The following CAMK1D variants were observed in gnomAD, a reference collection of about 807,000 sequenced individuals.
CAMK1D encodes calcium/calmodulin dependent protein kinase ID.
CAMK1D carries 9 observed loss-of-function variants against 47.7 expected under a neutral mutation model. That is an observed-to-expected ratio of 0.19 (90% confidence interval 0.11 to 0.33). The LOEUF is 0.33. CAMK1D is among the 10% of genes least tolerant of loss of function. The probability of loss-of-function intolerance (pLI) is 1.00; values close to 1 mark genes in which losing one functional copy is unlikely to be tolerated. For missense variants in CAMK1D, 291 were observed against 488.7 expected (o/e 0.60, Z 3.81); for synonymous variants, 184 against 184.9 (o/e 0.99, Z 0.04).
chr10:12,498,259 G>A (rs1417830750), intron 1 of CAMK1D, among the ~76,000 whole-genome samples: 1 of 152,230 alleles, frequency 6.6e-6, no homozygotes, highest in Non-Finnish European at 1.5e-5. Context: ...GAGACTTAGT[G>A]TTGAGTGGAC....
chr10:12,792,765 T>C (rs938360103), intron 6 of CAMK1D, among the ~76,000 whole-genome samples: 3 of 152,214 alleles, frequency 2.0e-5, no homozygotes, highest in Admixed American at 2.0e-4. Flanking sequence ...TAAAGGACTC[T>C]CGTTTATGGA....
chr10:12,381,223 G>C (rs1277197784), intron 1 of CAMK1D, among the ~76,000 whole-genome samples: 2 of 152,164 alleles, frequency 1.3e-5, no homozygotes, highest in Non-Finnish European at 2.9e-5. Flanking sequence ...AATGAATGCC[G>C]TTCCCTTCCT....
rs117284872 is a variant in CAMK1D at position 12,508,441 on chromosome 10, A to C, written c.93-44784A>C. ...TATGATTCCACTTACTCAGGTACCC[A>C]GAATAGACAACTTCACAGTAGGGAC... On this transcript the variant is annotated intron_variant, in intron 1 of 10. Transcript: ENST00000619168. 7.2e-3 allele frequency among the ~76,000 whole-genome samples: 1,103 copies of C among 152,354 alleles called. 24 individuals are homozygous for C. Among genetic ancestry groups the C allele is most frequent in the East Asian group, 0.043 (224 of 5,178 alleles).
At chr10:12,773,200 A>G (rs1374335818) in intron 5 of CAMK1D, among the ~76,000 whole-genome samples, 1 of 152,228 alleles carries the variant, frequency 6.6e-6, no homozygotes, top group Non-Finnish European at 1.5e-5. Context: ...CACACAGATC[A>G]TGAATCTTAG....
At chr10:12,400,883 G>A (rs1047823452) in intron 1 of CAMK1D, among the ~76,000 whole-genome samples, 1 of 150,178 alleles carries the variant, frequency 6.7e-6, no homozygotes, top group African/African-American at 2.5e-5. Context: ...TTGGGAGGCC[G>A]AGGTGGGCAG....
Position 12,764,218 on chromosome 10 carries a change from T to TA in CAMK1D, c.438+3137dup, listed in dbSNP as rs1361463569. ...CAACATGGTGAAACCCCATCTCTAC[T>TA]AAAAATACAAAAATTAGCCAGGTGT... On this transcript the variant is annotated intron_variant, in intron 4 of 10. Coordinates refer to ENST00000619168, the MANE Select transcript of CAMK1D (RefSeq NM_153498.4). 2.0e-5 allele frequency among the ~76,000 whole-genome samples: 3 copies of TA among 151,874 alleles called. No individual in the cohort carries two copies. The East Asian group carries it at 5.8e-4, about 29-fold the overall frequency.
rs113978337 is a variant in CAMK1D at position 12,535,249 on chromosome 10, G to T, written c.93-17976G>T. Among the ~76,000 whole-genome samples the T allele has an allele frequency of 7.1e-3, 1,087 of 152,274 alleles. 7 individuals carry two copies. Among genetic ancestry groups the T allele is most frequent in the African/African-American group, 0.025 (1,047 of 41,544 alleles). On this transcript the variant is annotated intron_variant, in intron 1 of 10. Transcript: ENST00000619168. ...GCCAGGCCAGGCCCTGTCTCTCCCAGCTCTGTCTGCTAACGCCAGCTGTGG... is the reference window on the plus strand; with the variant it reads ...GCCAGGCCAGGCCCTGTCTCTCCCATCTCTGTCTGCTAACGCCAGCTGTGG...
chr10:12,475,678 C>T (rs1400690567), intron 1 of CAMK1D, among the ~76,000 whole-genome samples: 1 of 152,174 alleles, frequency 6.6e-6, no homozygotes, highest in Non-Finnish European at 1.5e-5. Context: ...AGTTTGGGAA[C>T]TAGGATTAGT....
chr10:12,447,575 AC>A (rs752255222), intron 1 of CAMK1D, among the ~76,000 whole-genome samples: 131 of 152,288 alleles, frequency 8.6e-4, no homozygotes, highest in Non-Finnish European at 1.7e-3. Flanking sequence ...AGTTGTGTGC[AC>A]CTGGGGTCCC....
intron 1 of CAMK1D, among the ~76,000 whole-genome samples, chr10:12,492,205 A>ACT (rs1286146659): frequency 6.6e-6 from 1 of 151,274 alleles, no homozygotes; most frequent in Non-Finnish European, 1.5e-5. Flanking sequence ...GGCTCCTTCC[A>ACT]CTCTCGGGCT....
chr10:12,795,168 G>A (rs1300029390), intron 6 of CAMK1D, among the ~76,000 whole-genome samples: 2 of 152,252 alleles, frequency 1.3e-5, no homozygotes, highest in Admixed American at 6.5e-5. Context: ...GGTCTAGAAG[G>A]TTGGATAAGC....
rs370526516 is a variant in CAMK1D, at chr10:12,685,146, C to T, written c.299+18336C>T. Among the ~76,000 whole-genome samples the T allele has an allele frequency of 3.3e-5, 5 of 152,212 alleles. No homozygotes were observed. In the South Asian group the frequency reaches 8.3e-4, roughly 25 times the overall value. The stretch of plus-strand genomic sequence containing the variant: ...TGAAACCCCGTCTGTACTAAAAATA[C>T]GAAAATTAGCCAGGCGTGGTGGTGC... On this transcript the variant is annotated intron_variant, in intron 3 of 10. Coordinates refer to ENST00000619168, the MANE Select transcript of CAMK1D (RefSeq NM_153498.4).
At chr10:12,362,452 G>A (rs1354357954) in intron 1 of CAMK1D, among the ~76,000 whole-genome samples, 1 of 152,032 alleles carries the variant, frequency 6.6e-6, no homozygotes, top group Non-Finnish European at 1.5e-5. Context: ...TGTAGTATTT[G>A]CATATAAATT....
chr10:12,727,213 T>G (rs1834685606), intron 3 of CAMK1D, among the ~76,000 whole-genome samples: 1 of 152,212 alleles, frequency 6.6e-6, no homozygotes, highest in South Asian at 2.1e-4. Flanking sequence ...GGCTACAACT[T>G]ACAGGCTTCT....
At chr10:12,783,815 C>T (rs528507591) in intron 5 of CAMK1D, among the ~76,000 whole-genome samples, 19 of 152,110 alleles carry the variant, frequency 1.2e-4, no homozygotes, top group Non-Finnish European at 2.2e-4. Context: ...GCTTGGTTCC[C>T]GCAAAGTGGA....
chr10:12,543,888 A>T (rs762877302), intron 1 of CAMK1D, among the ~76,000 whole-genome samples: 14 of 152,234 alleles, frequency 9.2e-5, no homozygotes, highest in Non-Finnish European at 1.8e-4. Context: ...ATTGAAACTG[A>T]CTAGATAAAG....
intron 3 of CAMK1D, among the ~76,000 whole-genome samples, chr10:12,755,701 G>T (rs563300502): frequency 6.6e-6 from 1 of 152,020 alleles, no homozygotes; most frequent in Admixed American, 6.5e-5. Flanking sequence ...ATTCTAACTG[G>T]TGTGAGATAG....
At chr10:12,771,061 C>T (rs1837016166) in intron 5 of CAMK1D, among the ~76,000 whole-genome samples, 1 of 151,994 alleles carries the variant, frequency 6.6e-6, no homozygotes. Flanking sequence ...TCCCGAGTAC[C>T]TGGGATTACA....
chr10:12,570,230 C>G (rs550931245), intron 2 of CAMK1D, among the ~76,000 whole-genome samples: 1 of 152,176 alleles, frequency 6.6e-6, no homozygotes, highest in South Asian at 2.1e-4. Flanking sequence ...TTTTATAACT[C>G]AGACTTGTAA....
Sources: gnomAD v4.1 joint callset for allele counts (sites outside exome capture counted in the v4.1 genomes callset) on GRCh38, gnomAD v4.1.1 for gene constraint, MANE v1.5 for transcripts, NCBI Gene and HGNC (gene_info 2026-07-23, HGNC 2026-07-21) for gene names.